Variants in ZRANB3 observed in about 807,000 individuals in gnomAD.
ZRANB3 encodes the protein zinc finger RANBP2-type containing 3.
In ZRANB3, 125 loss-of-function variants were observed where a neutral mutation model predicts 133.8. The ratio of observed to expected loss-of-function variants is 0.93; its 90% confidence interval spans 0.81 to 1.08. The LOEUF is 1.08. Among genes scored for constraint, ZRANB3 ranks in the 50% least tolerant of loss-of-function variants. The pLI is 0.00. For synonymous variants in ZRANB3, 387 were observed against 432.7 expected, an observed-to-expected ratio of 0.89 and a Z score of 1.31; for missense variants, 1,229 against 1,275.5, an observed-to-expected ratio of 0.96 and a Z score of 0.56.
At chr2:135,496,772 A>G (rs1369222205) in intron 2 of ZRANB3, among the ~76,000 whole-genome samples, 1 of 152,198 alleles carries the variant, frequency 6.6e-6, no homozygotes, top group African/African-American at 2.4e-5. Flanking sequence ...GCTAATCCCT[A>G]AACTATACAC....
At chr2:135,281,036 T>C (rs1398689775) in intron 8 of ZRANB3, among the ~76,000 whole-genome samples, 2 of 152,224 alleles carry the variant, frequency 1.3e-5, no homozygotes, top group Non-Finnish European at 2.9e-5. Flanking sequence ...CCCCTTACCC[T>C]TGATGTCTCC....
At chr2:135,470,315 C>G (rs1468225049) in intron 2 of ZRANB3, among the ~76,000 whole-genome samples, 1 of 151,096 alleles carries the variant, frequency 6.6e-6, no homozygotes, top group Non-Finnish European at 1.5e-5. Flanking sequence ...CAGAGTGAGA[C>G]TCTGTCTCAA....
At chr2:135,428,436 A>C (rs1689186316) in intron 2 of ZRANB3, among the ~76,000 whole-genome samples, 1 of 151,650 alleles carries the variant, frequency 6.6e-6, no homozygotes, top group African/African-American at 2.4e-5. Context: ...CAAAAAAAAA[A>C]AAAAAAAAAA....
rs1694951481 is a variant in ZRANB3 at position 135,230,493 on chromosome 2, G to T, written c.1954+20C>A. The stretch of plus-strand genomic sequence containing the variant: ...ACCACTAACAGCCCTTACCTCCATG[G>T]TCACCTTCTATATACTCACCAGCAC... On this transcript the variant is annotated intron_variant, in intron 13 of 20. Transcript: ENST00000264159. 1 of 1,471,722 alleles carries T rather than the reference G, an allele frequency of 6.8e-7. No individual in the cohort carries two copies. Among genetic ancestry groups the T allele is most frequent in the Non-Finnish European group, 9.0e-7 (1 of 1,113,542 alleles). 91.2% of individuals were successfully genotyped at this position (1,471,722 alleles called of 1,614,324 possible).
At chr2:135,495,684 C>A (rs1411184705) in intron 2 of ZRANB3, among the ~76,000 whole-genome samples, 1 of 152,002 alleles carries the variant, frequency 6.6e-6, no homozygotes, top group Non-Finnish European at 1.5e-5. Flanking sequence ...CACCAAGTAA[C>A]TATAAAAAAT....
intron 2 of ZRANB3, among the ~76,000 whole-genome samples, chr2:135,423,507 A>C (rs1558990316): frequency 6.6e-6 from 1 of 152,252 alleles, no homozygotes; most frequent in South Asian, 2.1e-4. Flanking sequence ...GGTTCACTCT[A>C]ATCCAGTATG....
intron 2 of ZRANB3, among the ~76,000 whole-genome samples, chr2:135,431,624 C>A (rs1304864863): frequency 1.3e-5 from 2 of 151,990 alleles, no homozygotes; most frequent in African/African-American, 4.8e-5. Context: ...GACAGACAAT[C>A]CAATTTTTAA....
At chr2:135,471,748 G>A (rs1691281219) in intron 2 of ZRANB3, among the ~76,000 whole-genome samples, 1 of 152,150 alleles carries the variant, frequency 6.6e-6, no homozygotes, top group African/African-American at 2.4e-5. Context: ...CATTTCTGAA[G>A]GGTAATGGAA....
chr2:135,272,415 T>G (rs1398051474), intron 9 of ZRANB3, among the ~76,000 whole-genome samples: 4 of 111,986 alleles, frequency 3.6e-5, no homozygotes, highest in African/African-American at 5.5e-5. Flanking sequence ...AAAATAGAGC[T>G]TTTTTTTTTT....
intron 8 of ZRANB3, among the ~76,000 whole-genome samples, chr2:135,306,524 C>A (rs1182262951): frequency 1.3e-5 from 2 of 151,268 alleles, no homozygotes; most frequent in East Asian, 3.9e-4. Flanking sequence ...GATCTTCTGA[C>A]CTCGTGATCC....
intron 2 of ZRANB3, among the ~76,000 whole-genome samples, chr2:135,478,938 C>T (rs906284101): frequency 4.0e-5 from 6 of 151,652 alleles, no homozygotes; most frequent in African/African-American, 1.5e-4. Flanking sequence ...TATGTGTATA[C>T]ATACTTATAT....
At chr2:135,221,722 C>G (rs1251330959) in intron 15 of ZRANB3, among the ~76,000 whole-genome samples, 1 of 152,160 alleles carries the variant, frequency 6.6e-6, no homozygotes, top group Non-Finnish European at 1.5e-5. Context: ...GGCTCAGGCA[C>G]TTAAACCTGC....
intron 6 of ZRANB3, among the ~76,000 whole-genome samples, chr2:135,327,864 A>G (rs1683913952): frequency 6.6e-6 from 1 of 152,154 alleles, no homozygotes; most frequent in Non-Finnish European, 1.5e-5. Context: ...TATGTATTTT[A>G]GTTACTGATA....
intron 12 of ZRANB3, among the ~76,000 whole-genome samples, chr2:135,264,202 G>C (rs1183908275): frequency 1.3e-5 from 2 of 151,612 alleles, no homozygotes; most frequent in Non-Finnish European, 2.9e-5. Context: ...GCCGGGCGCG[G>C]TGGCTCAAGC....
intron 12 of ZRANB3, among the ~76,000 whole-genome samples, chr2:135,257,472 G>A (rs1353769599): frequency 6.6e-6 from 1 of 152,154 alleles, no homozygotes; most frequent in Non-Finnish European, 1.5e-5. Flanking sequence ...GGGTCATATG[G>A]TGACTTTATG....
intron 1 of ZRANB3, among the ~76,000 whole-genome samples, chr2:135,523,428 A>G (rs1183825655): frequency 6.6e-6 from 1 of 152,158 alleles, no homozygotes; most frequent in Non-Finnish European, 1.5e-5. Flanking sequence ...CTGTTTCCTT[A>G]AATTTTGTCT....
At chr2:135,403,017 C>T (rs757023493) in intron 2 of ZRANB3, among the ~76,000 whole-genome samples, 2 of 152,124 alleles carry the variant, frequency 1.3e-5, no homozygotes, top group South Asian at 4.1e-4. Context: ...TCTACAGCTC[C>T]CAGTGTGGGC....
chr2:135,507,774 C>T (rs1693258822), intron 1 of ZRANB3, among the ~76,000 whole-genome samples: 2 of 151,666 alleles, frequency 1.3e-5, no homozygotes, highest in South Asian at 2.1e-4. Flanking sequence ...GGGCAAACAG[C>T]GAGATCTTGT....
chr2:135,312,532 G>A (rs1401875295), intron 8 of ZRANB3, among the ~76,000 whole-genome samples: 1 of 152,054 alleles, frequency 6.6e-6, no homozygotes, highest in East Asian at 1.9e-4. Flanking sequence ...TATATGATAA[G>A]TTTACTTGAC....
Sources: gnomAD v4.1 joint callset for allele counts (sites outside exome capture counted in the v4.1 genomes callset) on GRCh38, gnomAD v4.1.1 for gene constraint, MANE v1.5 for transcripts, NCBI Gene and HGNC (gene_info 2026-07-23, HGNC 2026-07-21) for gene names.